PLXNA4: variants seen among roughly 807,000 people sequenced by gnomAD.
PLXNA4 encodes plexin-A4.
A neutral mutation model predicts 191.8 loss-of-function variants in PLXNA4; 44 were observed. The observed-to-expected ratio is 0.23, with a 90% CI of 0.18 to 0.29. The LOEUF is 0.29. Ranked by LOEUF, PLXNA4 falls within the 10% of genes least tolerant of loss-of-function variation. The pLI, the probability that PLXNA4 is intolerant of heterozygous loss-of-function variation, is 1.00. For synonymous variants in PLXNA4, 1,082 were observed against 1,009.5 expected, an observed-to-expected ratio of 1.07 and a Z score of -1.36; for missense variants, 1,800 against 2,488.8, an observed-to-expected ratio of 0.72 and a Z score of 5.89.
At chr7:132,183,207 C>CGCACACACGCATGTGCGT (rs969059094) in intron 16 of PLXNA4, among the ~76,000 whole-genome samples, 2 of 152,174 alleles carry the variant, frequency 1.3e-5, no homozygotes, top group African/African-American at 4.8e-5. Context: ...CTCACATGCG[C>CGCACACACGCATGTGCGT]GCACACACGC....
intron 1 of PLXNA4, among the ~76,000 whole-genome samples, chr7:132,557,571 T>G (rs552614124): frequency 6.6e-6 from 1 of 151,766 alleles, no homozygotes; most frequent in Non-Finnish European, 1.5e-5. Context: ...AGTTTTCACC[T>G]TTGCAAAACC....
At chr7:132,557,864 C>T (rs1800870649) in intron 1 of PLXNA4, among the ~76,000 whole-genome samples, 1 of 152,090 alleles carries the variant, frequency 6.6e-6, no homozygotes, top group Non-Finnish European at 1.5e-5. Flanking sequence ...ATGTGTAATG[C>T]CCTCTACTGT....
intron 13 of PLXNA4, among the ~76,000 whole-genome samples, chr7:132,194,812 CAGTACAG>C (rs2116825823): frequency 6.6e-6 from 1 of 152,214 alleles, no homozygotes; most frequent in African/African-American, 2.4e-5. Context: ...AACAGTCAAA[CAGTACAG>C]AGTATGGCAG....
chr7:132,342,409 T>A (rs1410395121), intron 3 of PLXNA4, among the ~76,000 whole-genome samples: 1 of 151,968 alleles, frequency 6.6e-6, no homozygotes, highest in Non-Finnish European at 1.5e-5. Context: ...AAGAAGCTTC[T>A]GTGATTGTTA....
chr7:132,279,196 C>T (rs549499742), intron 4 of PLXNA4, among the ~76,000 whole-genome samples: 29 of 152,284 alleles, frequency 1.9e-4, no homozygotes, highest in South Asian at 6.2e-4. Context: ...CTGTGATGGG[C>T]CAAGGTGTGC....
intron 2 of PLXNA4, among the ~76,000 whole-genome samples, chr7:132,623,489 GACTTTAAAAAGGACTCACCCATAAGTC>G (rs1176216747): frequency 1.3e-5 from 2 of 152,176 alleles, no homozygotes; most frequent in African/African-American, 4.8e-5. Flanking sequence ...GAAGGAATGG[GACTTTAAAAAGGACTCACCCATAAGTC>G]ACATGCAAGT....
intron 3 of PLXNA4, among the ~76,000 whole-genome samples, chr7:132,371,137 G>A (rs1002116623): frequency 7.2e-5 from 11 of 152,150 alleles, no homozygotes; most frequent in South Asian, 2.1e-4. Flanking sequence ...CTGGGGAGAC[G>A]GGTTGGGGTG....
intron 12 of PLXNA4, among the ~76,000 whole-genome samples, 200 bp from the exon 13 acceptor site, chr7:132,198,836 C>T (rs1345824264): frequency 6.6e-6 from 1 of 152,166 alleles, no homozygotes; most frequent in Non-Finnish European, 1.5e-5. Context: ...GTGTGTGTCA[C>T]TAGGAGCAGT....
chr7:132,428,291 C>T (rs1795127542), intron 3 of PLXNA4, among the ~76,000 whole-genome samples: 1 of 152,216 alleles, frequency 6.6e-6, no homozygotes. Flanking sequence ...CCATTCTACC[C>T]ACTCAGGCTG....
chr7:132,403,947 G>A (rs997730314), intron 3 of PLXNA4, among the ~76,000 whole-genome samples: 2 of 152,144 alleles, frequency 1.3e-5, no homozygotes, highest in South Asian at 2.1e-4. Flanking sequence ...CAGTAGGGGC[G>A]GGACTCAGGA....
intron 1 of PLXNA4, among the ~76,000 whole-genome samples, chr7:132,561,685 CCTT>C (rs1419371564): frequency 7.2e-6 from 1 of 139,104 alleles, no homozygotes; most frequent in African/African-American, 2.7e-5. Context: ...TTCTCCTCCT[CCTT>C]CACCTCCTCC....
chr7:132,490,378 T>A (rs942684630), intron 2 of PLXNA4, among the ~76,000 whole-genome samples: 6 of 151,974 alleles, frequency 3.9e-5, no homozygotes, highest in African/African-American at 1.2e-4. Context: ...TGTTTAACCT[T>A]ATCTCAGCCT....
At chr7:132,634,617 G>A (rs1020445174) in intron 2 of PLXNA4, among the ~76,000 whole-genome samples, 1 of 152,178 alleles carries the variant, frequency 6.6e-6, no homozygotes, top group African/African-American at 2.4e-5. Context: ...TGCACATGCT[G>A]TTCTCTCTGA....
Position 132,174,849 on chromosome 7 carries a change from C to T in PLXNA4, c.3946G>A (p.Asp1316Asn), listed in dbSNP as rs777192080. ...DLDGAGIPFLDYRTYTMRVLF... is the reference protein window; with the variant it reads ...DLDGAGIPFLNYRTYTMRVLF... ...ACCCGCATGGTGTAAGTTCTATAGTCCAGGAACGGAATCCCGGCTCCATCC... is the reference window on the plus strand; with the variant it reads ...ACCCGCATGGTGTAAGTTCTATAGTTCAGGAACGGAATCCCGGCTCCATCC... The change falls in exon 21 of 32, where the codon GAC becomes AAC. Residue 1316 changes from aspartate (D) to asparagine (N), a missense_variant. Transcript: ENST00000321063. 3 of 1,614,078 alleles carry T rather than the reference C, an allele frequency of 1.9e-6. No homozygotes were observed. Among genetic ancestry groups the T allele is most frequent in the Admixed American group, 3.3e-5 (2 of 60,004 alleles).
intron 10 of PLXNA4, among the ~76,000 whole-genome samples, chr7:132,210,676 C>T (rs1168193396): frequency 6.6e-6 from 1 of 152,206 alleles, no homozygotes; most frequent in Non-Finnish European, 1.5e-5. Context: ...TCCAATATCC[C>T]TTCTAATCCT....
intron 3 of PLXNA4, among the ~76,000 whole-genome samples, chr7:132,487,460 G>A (rs753499047): frequency 2.6e-5 from 4 of 152,130 alleles, no homozygotes; most frequent in South Asian, 2.1e-4. Context: ...TAATGCCCCC[G>A]GTATTTAGAA....
chr7:132,594,842 G>A (rs1802667636), intron 2 of PLXNA4, among the ~76,000 whole-genome samples: 1 of 152,074 alleles, frequency 6.6e-6, no homozygotes, highest in Admixed American at 6.5e-5. Context: ...TACTTCATGT[G>A]GGAGCTAGAA....
chr7:132,437,948 T>TTAC (rs1795538371), intron 3 of PLXNA4, among the ~76,000 whole-genome samples: 1 of 152,040 alleles, frequency 6.6e-6, no homozygotes, highest in Non-Finnish European at 1.5e-5. Context: ...TGAGCCAAGA[T>TTAC]TACGCCCATG....
intron 4 of PLXNA4, among the ~76,000 whole-genome samples, chr7:132,247,367 G>C (rs557507204): frequency 6.6e-5 from 10 of 152,004 alleles, no homozygotes; most frequent in African/African-American, 2.4e-4. Context: ...TGTCCAAAAG[G>C]TTTCTTAAGT....
Sources: gnomAD v4.1 joint callset for allele counts (sites outside exome capture counted in the v4.1 genomes callset) on GRCh38, gnomAD v4.1.1 for gene constraint, MANE v1.5 for transcripts, NCBI Gene and HGNC (gene_info 2026-07-23, HGNC 2026-07-21) for gene names.